Variants in PRR16 observed in about 807,000 individuals in gnomAD.
PRR16 encodes the protein proline rich 16.
PRR16 carries 6 observed loss-of-function variants against 18.2 expected under a neutral mutation model. The ratio of observed to expected loss-of-function variants is 0.33; its 90% CI spans 0.18 to 0.65. The LOEUF (loss-of-function observed/expected upper bound fraction) is 0.65. Ranked by LOEUF, PRR16 falls within the 30% of genes least tolerant of loss-of-function variation. The pLI, the probability that PRR16 is intolerant of heterozygous loss-of-function variation, is 0.74. For synonymous variants in PRR16, 151 were observed against 147.8 expected (o/e 1.02, Z -0.16); for missense variants, 412 against 376.6 (o/e 1.09, Z -0.78).
chr5:120,638,214 T>A (rs1176414921), intron 1 of PRR16, among the ~76,000 whole-genome samples: 3 of 152,140 alleles, frequency 2.0e-5, no homozygotes, highest in Non-Finnish European at 4.4e-5. Context: ...TGGGGCAACA[T>A]GTTAGTGCTC....
chr5:120,758,054 C>T, the PRR16 span, among the ~76,000 whole-genome samples: 1 of 151,894 alleles, frequency 6.6e-6, no homozygotes, highest in African/African-American at 2.4e-5. Context: ...TAACATGTTA[C>T]TCTATTATTC....
chr5:120,506,119 TAAAC>T (rs1750638489), intron 1 of PRR16, among the ~76,000 whole-genome samples: 2 of 151,998 alleles, frequency 1.3e-5, no homozygotes, highest in African/African-American at 2.4e-5. Flanking sequence ...GCTTTACAAA[TAAAC>T]AAGTACACAA....
intron 1 of PRR16, among the ~76,000 whole-genome samples, chr5:120,565,756 T>C (rs2112725498): frequency 6.6e-6 from 1 of 152,350 alleles, no homozygotes; most frequent in Admixed American, 6.5e-5. Context: ...TAAGCCTTAG[T>C]AATTATCTTC....
intron 1 of PRR16, among the ~76,000 whole-genome samples, chr5:120,506,537 C>A (rs2112850728): frequency 6.6e-6 from 1 of 151,990 alleles, no homozygotes; most frequent in Admixed American, 6.6e-5. Context: ...TATTATATAA[C>A]AAGAAGTTCT....
the PRR16 span, among the ~76,000 whole-genome samples, chr5:120,711,369 C>A: frequency 2.0e-5 from 3 of 152,118 alleles, no homozygotes; most frequent in Non-Finnish European, 4.4e-5. Context: ...GTAATCATGT[C>A]TGTCTCTTTC....
intron 1 of PRR16, among the ~76,000 whole-genome samples, chr5:120,639,794 T>C (rs537295086): frequency 7.3e-5 from 11 of 151,604 alleles, no homozygotes; most frequent in Non-Finnish European, 1.6e-4. Context: ...ACTAGATACA[T>C]ACCCAAAAGA....
chr5:120,782,442 C>G, the PRR16 span, among the ~76,000 whole-genome samples: 130 of 152,266 alleles, frequency 8.5e-4, no homozygotes, highest in African/African-American at 3.1e-3. Flanking sequence ...AAAAGTGAAG[C>G]CTGATGGGAC....
intron 1 of PRR16, among the ~76,000 whole-genome samples, chr5:120,494,600 A>T (rs543042989): frequency 6.6e-6 from 1 of 152,200 alleles, no homozygotes; most frequent in South Asian, 2.1e-4. Flanking sequence ...TCTTAGAGCA[A>T]AAGTTTTAAA....
Position 120,578,784 on chromosome 5 carries a change from AATGGT to A in PRR16, c.160-107166_160-107162del, listed in dbSNP as rs143035387. On this transcript the variant is annotated intron_variant, in intron 1 of 1. Coordinates refer to ENST00000407149, the MANE Select transcript of PRR16 (RefSeq NM_001300783.2). ...AGACAATAATGGGATTGCTGGGTGA[AATGGT>A]ATGTCTGGTTCTAGATTCTTGAGGA... Among the ~76,000 whole-genome samples the A allele has an allele frequency of 8.1e-3, 1,240 of 152,250 alleles. 23 individuals carry two copies. Among genetic ancestry groups the A allele is most frequent in the African/African-American group, 0.028 (1,150 of 41,534 alleles).
At chr5:120,736,840 T>C in the PRR16 span, among the ~76,000 whole-genome samples, 1 of 152,154 alleles carries the variant, frequency 6.6e-6, no homozygotes, top group Non-Finnish European at 1.5e-5. Flanking sequence ...TTTATCCTTT[T>C]GTGTTCTATT....
the PRR16 span, among the ~76,000 whole-genome samples, chr5:120,712,907 A>G: frequency 2.0e-5 from 3 of 152,184 alleles, no homozygotes; most frequent in African/African-American, 7.2e-5. Flanking sequence ...TATTGGAGAC[A>G]ATATAGAGGT....
intron 1 of PRR16, among the ~76,000 whole-genome samples, chr5:120,655,916 C>A (rs1755958809): frequency 6.6e-6 from 1 of 151,734 alleles, no homozygotes; most frequent in African/African-American, 2.4e-5. Flanking sequence ...CAGGTTCCAG[C>A]CACCAGAAGA....
At chr5:120,738,237 A>G in the PRR16 span, among the ~76,000 whole-genome samples, 1 of 152,102 alleles carries the variant, frequency 6.6e-6, no homozygotes, top group East Asian at 1.9e-4. Context: ...TAATACATCT[A>G]TGGGGGCTCG....
At position 120,464,540 on chromosome 5, in the gene PRR16, G is replaced by T. The variant is rs779874884; in HGVS notation, c.54G>T (p.Pro18=). 1.3e-6 allele frequency: 2 copies of T among 1,591,568 alleles called. No individual in the cohort carries two copies. The highest frequency in any genetic ancestry group is 1.7e-6 in the Non-Finnish European group (2 of 1,177,124). Residue 18 remains proline, a synonymous_variant, in exon 1 of 2, where the codon CCG becomes CCT. Transcript: ENST00000407149. ...CCTCGTCCTGTCCAGCCGAGGGACC[G>T]CCGGCAGCCTCCAAAACCAAGGTGA... ...NPSSSCPAEG[P]PAASKTKVKE...
downstream of PRR16, among the ~76,000 whole-genome samples, chr5:120,689,251 G>A (rs554189587): frequency 1.3e-5 from 2 of 152,224 alleles, no homozygotes; most frequent in Admixed American, 1.3e-4. Flanking sequence ...TTGCCCAAGT[G>A]ATAATATTGC....
chr5:120,737,326 T>G, the PRR16 span, among the ~76,000 whole-genome samples: 3 of 142,170 alleles, frequency 2.1e-5, no homozygotes, highest in Admixed American at 6.9e-5. Flanking sequence ...TTTTTTTTTT[T>G]TTTTTTTTTT....
intron 1 of PRR16, among the ~76,000 whole-genome samples, chr5:120,653,415 G>T (rs1755859554): frequency 6.6e-6 from 1 of 151,832 alleles, no homozygotes; most frequent in African/African-American, 2.4e-5. Flanking sequence ...TTAAGAAACA[G>T]TATAGTATTA....
intron 1 of PRR16, among the ~76,000 whole-genome samples, chr5:120,581,777 A>G (rs1753280447): frequency 6.6e-6 from 1 of 152,106 alleles, no homozygotes; most frequent in Non-Finnish European, 1.5e-5. Context: ...TTATTTACCC[A>G]GGAGTCATTC....
rs763545853 is a variant in PRR16 at position 120,513,403 on chromosome 5, A to C, written c.159+48758A>C. ...GGACTTCTCCTGATGGTAATGTCTT[A>C]TTGTCTATTTTTCCAACTTTTTCTC... On this transcript the variant is annotated intron_variant, in intron 1 of 1. Transcript: ENST00000407149. Among the ~76,000 whole-genome samples the C allele has an allele frequency of 2.2e-4, 34 of 152,014 alleles. 1 individual carries two copies. The highest frequency in any genetic ancestry group is 4.6e-4 in the Non-Finnish European group (31 of 68,002).
Sources: allele counts gnomAD v4.1 joint callset (sites outside exome capture counted in the v4.1 genomes callset), GRCh38; gene constraint gnomAD v4.1.1; transcripts MANE v1.5; gene names NCBI Gene and HGNC (gene_info 2026-07-23, HGNC 2026-07-21).